Variants in RBM47 observed in about 807,000 individuals in gnomAD.
RBM47 encodes the protein RNA binding motif protein 47, also known as RNA-binding protein 47.
Under a neutral mutation model 47.1 loss-of-function variants are expected in RBM47, and 21 were observed. The ratio of observed to expected loss-of-function variants is 0.45; its 90% CI spans 0.32 to 0.64. The LOEUF (loss-of-function observed/expected upper bound fraction) is 0.64, where lower values mean the gene tolerates loss of function less well. RBM47 is among the 30% of genes least tolerant of loss of function. The pLI is 0.05. For synonymous variants in RBM47, 375 were observed against 361.7 expected (o/e 1.04, Z -0.42); for missense variants, 708 against 870.9 (o/e 0.81, Z 2.35).
intron 1 of RBM47, among the ~76,000 whole-genome samples, chr4:40,564,331 T>C (rs1269559392): frequency 6.6e-6 from 1 of 152,168 alleles, no homozygotes; most frequent in Non-Finnish European, 1.5e-5. Context: ...ATGATAAAAA[T>C]GGCAAAGCAG....
chr4:40,623,795 C>G (rs1021687422), intron 1 of RBM47, among the ~76,000 whole-genome samples: 2 of 152,102 alleles, frequency 1.3e-5, no homozygotes, highest in Non-Finnish European at 2.9e-5. Flanking sequence ...ATTGGCAACT[C>G]TCAGCCTTTT....
At chr4:40,478,471 C>T (rs535966794) in intron 2 of RBM47, among the ~76,000 whole-genome samples, 15 of 152,116 alleles carry the variant, frequency 9.9e-5, no homozygotes, top group Admixed American at 2.6e-4. Context: ...AAAGTACAGA[C>T]GCAAAACAGA....
At chr4:40,513,744 G>C (rs1725233088) in intron 2 of RBM47, among the ~76,000 whole-genome samples, 2 of 151,510 alleles carry the variant, frequency 1.3e-5, no homozygotes, top group South Asian at 2.1e-4. Flanking sequence ...TGGAGACGGA[G>C]TTTCGCTCTT....
At chr4:40,498,110 T>C (rs1472262766) in intron 2 of RBM47, among the ~76,000 whole-genome samples, 2 of 136,374 alleles carry the variant, frequency 1.5e-5, no homozygotes, top group African/African-American at 2.7e-5. Flanking sequence ...CAGAGACAAA[T>C]GTTGAGCGCT....
chr4:40,619,064 G>GA (rs1737011356), intron 1 of RBM47, among the ~76,000 whole-genome samples: 1 of 152,042 alleles, frequency 6.6e-6, no homozygotes. Context: ...GACCATAACA[G>GA]AGGCAGGTAG....
Position 40,628,034 on chromosome 4 carries a change from C to A in RBM47, c.-240+1362G>T, listed in dbSNP as rs1438585058. Among the ~76,000 whole-genome samples, 4 of 152,136 alleles carry A rather than the reference C, an allele frequency of 2.6e-5. No homozygotes were observed. Among genetic ancestry groups the A allele is most frequent in the Non-Finnish European group, 5.9e-5 (4 of 68,044 alleles). Reference sequence around the variant, plus strand: ...CTAATTAATTTAAAGCATGGCCTACCTAGCCAGGTAAAGGACGGCACAGCT... The same window carrying A: ...CTAATTAATTTAAAGCATGGCCTACATAGCCAGGTAAAGGACGGCACAGCT... On this transcript the variant is annotated intron_variant, in intron 1 of 6. Transcript: ENST00000295971. The surrounding 1 kb of genome is among the most constrained non-coding windows in gnomAD (Gnocchi z 4.0).
At chr4:40,626,035 A>C (rs75109564) in intron 1 of RBM47, among the ~76,000 whole-genome samples, 1,559 of 152,346 alleles carry the variant, frequency 0.01, 27 homozygotes, top group Middle Eastern at 0.037. Flanking sequence ...GAGCTACTAT[A>C]GTCACAATCA....
intron 1 of RBM47, among the ~76,000 whole-genome samples, chr4:40,564,122 T>G (rs766819052): frequency 5.9e-5 from 9 of 152,122 alleles, no homozygotes; most frequent in Admixed American, 2.6e-4. Flanking sequence ...CATGGAAGCA[T>G]AGACCACAGT....
intron 2 of RBM47, among the ~76,000 whole-genome samples, chr4:40,529,660 C>T (rs1469393618): frequency 6.7e-6 from 1 of 150,062 alleles, no homozygotes; most frequent in African/African-American, 2.4e-5. Context: ...AAAACCCTCT[C>T]TCTACTAAAA....
chr4:40,551,015 A>T (rs898272090), intron 1 of RBM47, among the ~76,000 whole-genome samples: 3 of 152,136 alleles, frequency 2.0e-5, no homozygotes, highest in Non-Finnish European at 4.4e-5. Flanking sequence ...CCCTAGGTTC[A>T]CTGAACAAGC....
At chr4:40,578,799 A>G (rs1732577627) in intron 1 of RBM47, among the ~76,000 whole-genome samples, 1 of 152,240 alleles carries the variant, frequency 6.6e-6, no homozygotes, top group Non-Finnish European at 1.5e-5. Flanking sequence ...TGCTTGGCAC[A>G]ATGCTACACA....
rs1714640256 is a variant in RBM47 at position 40,423,654 on chromosome 4, T to TCTTTC, written c.*2249_*2250insGAAAG. On this transcript the variant is annotated 3_prime_UTR_variant, in exon 7 of 7. Coordinates refer to ENST00000295971, the MANE Select transcript of RBM47 (RefSeq NM_001098634.2). ...ATTTTTTTTTATTCTTTCTTTCTTT[T>TCTTTC]TCTTTCTTTCTTTCTTTCTTTCTTT... The TCTTTC allele has an allele frequency of 5.3e-5, 1 of 19,014 alleles. No homozygotes were observed. The highest frequency in any genetic ancestry group is 1.1e-4 in the African/African-American group (1 of 9,208). 1.2% of individuals were successfully genotyped at this position (19,014 alleles called of 1,614,324 possible).
chr4:40,423,664 CTT>C lies in RBM47; in HGVS notation c.*2238_*2239del, dbSNP rs760429769. Reference sequence around the variant, plus strand: ...ATTCTTTCTTTCTTTTTCTTTCTTTCTTTCTTTCTTTCTTTCTTTCTTTCTTT... The same window carrying C: ...ATTCTTTCTTTCTTTTTCTTTCTTTCTCTTTCTTTCTTTCTTTCTTTCTTT... On this transcript the variant is annotated 3_prime_UTR_variant, in exon 7 of 7. Transcript: ENST00000295971. The C allele has an allele frequency of 1.8e-5, 1 of 54,400 alleles. No individual in the cohort carries two copies. Among genetic ancestry groups the C allele is most frequent in the African/African-American group, 9.2e-5 (1 of 10,916 alleles). The allele number at this position is 54,400 out of a possible 1,614,324, so 3.4% of individuals were successfully genotyped here.
chr4:40,444,662 TCTAA>T (rs1021338718), intron 3 of RBM47, among the ~76,000 whole-genome samples: 3 of 150,842 alleles, frequency 2.0e-5, no homozygotes, highest in Non-Finnish European at 2.9e-5. Flanking sequence ...ATTTTTAAAT[TCTAA>T]CTGTTTTTTT....
At chr4:40,598,944 T>C (rs1735000388) in intron 1 of RBM47, among the ~76,000 whole-genome samples, 1 of 151,984 alleles carries the variant, frequency 6.6e-6, no homozygotes, top group Non-Finnish European at 1.5e-5. Context: ...GTAAACATTA[T>C]TCTATAATTA....
At chr4:40,541,568 T>C (rs1728546543) in intron 2 of RBM47, among the ~76,000 whole-genome samples, 1 of 151,962 alleles carries the variant, frequency 6.6e-6, no homozygotes, top group Admixed American at 6.6e-5. Flanking sequence ...GAAAACCCCA[T>C]CTTTACTAAA....
chr4:40,519,297 C>CT (rs374404085), intron 2 of RBM47, among the ~76,000 whole-genome samples: 31,377 of 129,984 alleles, frequency 0.24, 5,420 homozygotes, highest in African/African-American at 0.47. Context: ...CTCCTTCAAT[C>CT]TTTTTTTTTT....
At chr4:40,444,450 G>A (rs965179069) in intron 3 of RBM47, among the ~76,000 whole-genome samples, 1 of 151,466 alleles carries the variant, frequency 6.6e-6, no homozygotes, top group Non-Finnish European at 1.5e-5. Flanking sequence ...AAGATAATGT[G>A]TGGCTGCTTT....
rs139972823 is a variant in RBM47, at chr4:40,619,245, A to G, written c.-240+10151T>C. ...GAAATTCAAGACCGGCCTGGGCAAA[A>G]GAGTGAGACCCTGTCTCTACAAAAA... On this transcript the variant is annotated intron_variant, in intron 1 of 6. Coordinates refer to ENST00000295971, the MANE Select transcript of RBM47 (RefSeq NM_001098634.2). Among the ~76,000 whole-genome samples the G allele has an allele frequency of 2.7e-3, 412 of 152,286 alleles. 1 individual carries two copies. The highest frequency in any genetic ancestry group is 9.4e-3 in the African/African-American group (391 of 41,568).
Sources: gnomAD v4.1 joint callset for allele counts (sites outside exome capture counted in the v4.1 genomes callset) on GRCh38, gnomAD v4.1.1 for gene constraint, Gnocchi (gnomAD v3.1) non-coding constraint, MANE v1.5 for transcripts, NCBI Gene and HGNC (gene_info 2026-07-23, HGNC 2026-07-21) for gene names.